Variants in RGS6 observed in about 807,000 individuals in gnomAD.
RGS6 encodes regulator of G protein signaling 6.
In RGS6, 30 loss-of-function variants were observed where a neutral mutation model predicts 78.5. The observed-to-expected ratio is 0.38, with a 90% CI of 0.29 to 0.52. The LOEUF (loss-of-function observed/expected upper bound fraction) is 0.52. RGS6 is among the 20% of genes least tolerant of loss of function. RGS6 has a pLI of 0.85. For synonymous variants in RGS6, 206 were observed against 206.0 expected, an observed-to-expected ratio of 1.00 and a Z score of 0.00; for missense variants, 495 against 609.7, an observed-to-expected ratio of 0.81 and a Z score of 1.98.
the RGS6 span, chr14:72,619,775 G>T: frequency 1.1e-6 from 1 of 921,360 alleles, no homozygotes; most frequent in Non-Finnish European, 1.5e-6. Flanking sequence ...GGGTTGTGAT[G>T]ATTAAATGAG....
At chr14:72,097,774 G>A (rs532955436) in intron 2 of RGS6, among the ~76,000 whole-genome samples, 15 of 152,168 alleles carry the variant, frequency 9.9e-5, no homozygotes, top group Admixed American at 3.9e-4. Flanking sequence ...ACAGGGTGGC[G>A]TCTTGTCCCC....
intron 2 of RGS6, among the ~76,000 whole-genome samples, chr14:72,143,836 T>C (rs1478140492): frequency 6.6e-6 from 1 of 152,200 alleles, no homozygotes; most frequent in African/African-American, 2.4e-5. Flanking sequence ...TAATAAAACA[T>C]AATGCAGGAA....
At chr14:72,514,960 T>A (rs1004181707) in intron 14 of RGS6, among the ~76,000 whole-genome samples, 1 of 152,214 alleles carries the variant, frequency 6.6e-6, no homozygotes, top group Non-Finnish European at 1.5e-5. Flanking sequence ...AGTTCCCAGC[T>A]CAGGCCTGTG....
At position 72,418,147 on chromosome 14, in the gene RGS6, G is replaced by A. The variant is rs188050773; in HGVS notation, c.185-36381G>A. On this transcript the variant is annotated intron_variant, in intron 3 of 17. Coordinates refer to ENST00000553525, the MANE Select transcript of RGS6 (RefSeq NM_001204424.2). ...ATGAAGCGGACACATCATCTGTACTGCCAGTGTCTCTCTTCAAAATAAACT... is the reference window on the plus strand; with the variant it reads ...ATGAAGCGGACACATCATCTGTACTACCAGTGTCTCTCTTCAAAATAAACT... Among the ~76,000 whole-genome samples the A allele has an allele frequency of 2.5e-3, 376 of 151,566 alleles. 1 individual carries two copies. The highest frequency in any genetic ancestry group is 8.8e-3 in the African/African-American group (364 of 41,310).
chr14:72,411,105 A>C lies in RGS6; in HGVS notation c.185-43423A>C, dbSNP rs559568783. Reference sequence around the variant, plus strand: ...AAGTAGTTTTTTTCCAATTCTGTGAAGAAAGTCATTGGTAGCTTGATGGGG... The same window carrying C: ...AAGTAGTTTTTTTCCAATTCTGTGACGAAAGTCATTGGTAGCTTGATGGGG... On this transcript the variant is annotated intron_variant, in intron 3 of 17. Coordinates refer to ENST00000553525, the MANE Select transcript of RGS6 (RefSeq NM_001204424.2). Among the ~76,000 whole-genome samples the C allele has an allele frequency of 2.6e-5, 4 of 152,264 alleles. No individual in the cohort carries two copies. The East Asian group carries it at 7.7e-4, about 29-fold the overall frequency.
intron 2 of RGS6, among the ~76,000 whole-genome samples, chr14:71,984,319 A>C (rs976109921): frequency 9.6e-6 from 1 of 103,910 alleles, no homozygotes; most frequent in African/African-American, 3.4e-5. Flanking sequence ...AAAAAAAAAA[A>C]AAACAAAGCT....
intron 2 of RGS6, among the ~76,000 whole-genome samples, chr14:72,263,553 C>T (rs2238214): frequency 6.6e-6 from 1 of 152,148 alleles, no homozygotes; most frequent in East Asian, 1.9e-4. Flanking sequence ...GTCCTAGCCC[C>T]CAAAGTACTA....
intron 15 of RGS6, among the ~76,000 whole-genome samples, chr14:72,524,075 G>A (rs2097089317): frequency 6.6e-6 from 1 of 152,094 alleles, no homozygotes; most frequent in African/African-American, 2.4e-5. Flanking sequence ...AAAGTAAAAA[G>A]TGCTATATAT....
At chr14:72,219,890 T>C (rs1332177535) in intron 2 of RGS6, among the ~76,000 whole-genome samples, 1 of 152,170 alleles carries the variant, frequency 6.6e-6, no homozygotes. Flanking sequence ...TCATTTTTTT[T>C]CTTCCAGACG....
chr14:72,111,379 T>C (rs2095758334), intron 2 of RGS6, among the ~76,000 whole-genome samples: 1 of 152,152 alleles, frequency 6.6e-6, no homozygotes, highest in Non-Finnish European at 1.5e-5. Context: ...GGCCATTCCA[T>C]GTGGAAGGGA....
chr14:72,171,252 C>T (rs1259661016), intron 2 of RGS6, among the ~76,000 whole-genome samples: 1 of 152,128 alleles, frequency 6.6e-6, no homozygotes, highest in Non-Finnish European at 1.5e-5. Context: ...CACATGTACA[C>T]ATGTATGGAC....
chr14:72,205,953 G>C (rs961788604), intron 2 of RGS6, among the ~76,000 whole-genome samples: 17 of 152,166 alleles, frequency 1.1e-4, no homozygotes, highest in Non-Finnish European at 2.9e-5. Flanking sequence ...AAGCAATTTT[G>C]TACTATTTAT....
intron 2 of RGS6, among the ~76,000 whole-genome samples, chr14:72,001,192 G>A (rs1384713383): frequency 6.6e-6 from 1 of 152,088 alleles, no homozygotes; most frequent in African/African-American, 2.4e-5. Context: ...TGCTAAATTG[G>A]GAACATGTAT....
intron 2 of RGS6, among the ~76,000 whole-genome samples, chr14:72,100,541 A>C (rs1322966798): frequency 1.3e-5 from 2 of 152,168 alleles, no homozygotes; most frequent in Non-Finnish European, 2.9e-5. Context: ...AAGGCTAAGA[A>C]GGCATCGTGC....
intron 2 of RGS6, among the ~76,000 whole-genome samples, chr14:72,133,014 G>A (rs983966715): frequency 3.9e-4 from 59 of 152,260 alleles, no homozygotes; most frequent in African/African-American, 1.3e-3. Flanking sequence ...TCTTTACAAC[G>A]TGATTGAATT....
intron 3 of RGS6, among the ~76,000 whole-genome samples, chr14:72,451,991 C>T (rs967354104): frequency 6.6e-6 from 1 of 152,136 alleles, no homozygotes; most frequent in African/African-American, 2.4e-5. Flanking sequence ...ACCTCGTGAT[C>T]CACCCTCCTC....
chr14:72,042,129 C>CTT lies in RGS6; in HGVS notation c.84+77269_84+77270dup, dbSNP rs202194668. Among the ~76,000 whole-genome samples, 343 of 134,506 alleles carry CTT rather than the reference C, an allele frequency of 2.6e-3. 2 individuals carry two copies. The highest frequency in any genetic ancestry group is 0.013 in the East Asian group (61 of 4,710). 88.2% of individuals were successfully genotyped at this position (134,506 alleles called of 152,430 possible). On this transcript the variant is annotated intron_variant, in intron 2 of 17. Coordinates refer to ENST00000553525, the MANE Select transcript of RGS6 (RefSeq NM_001204424.2). ...TACTTTCCTTTTTCTTTTTCTTTTTCTTTTTTTTTTTTTTTTGAGATAGAG... is the reference window on the plus strand; with the variant it reads ...TACTTTCCTTTTTCTTTTTCTTTTTCTTTTTTTTTTTTTTTTTTGAGATAGAG...
chr14:72,375,290 T>C (rs113165692), intron 3 of RGS6, among the ~76,000 whole-genome samples: 3,185 of 152,242 alleles, frequency 0.021, 51 homozygotes, highest in African/African-American at 0.047. Flanking sequence ...CCAAAAAAAT[T>C]CCAAGCAGGA....
intron 12 of RGS6, among the ~76,000 whole-genome samples, chr14:72,487,371 C>A (rs2153389674): frequency 6.6e-6 from 1 of 152,298 alleles, no homozygotes; most frequent in South Asian, 2.1e-4. Flanking sequence ...CTGTGGTAGG[C>A]AGAATAATGA....
Sources: allele counts gnomAD v4.1 joint callset (sites outside exome capture counted in the v4.1 genomes callset), GRCh38; gene constraint gnomAD v4.1.1; transcripts MANE v1.5; gene names NCBI Gene and HGNC (gene_info 2026-07-23, HGNC 2026-07-21).